TMEM114: variants seen among roughly 807,000 people sequenced by gnomAD.
TMEM114 encodes claudin-26.
In TMEM114, 6 loss-of-function variants were observed where a neutral mutation model predicts 6.2. The observed-to-expected ratio is 0.97, with a 90% CI of 0.53 to 1.91. The LOEUF (loss-of-function observed/expected upper bound fraction) is 1.91, where lower values mean the gene tolerates loss of function less well. Among genes scored for constraint, TMEM114 ranks in the 40% most tolerant of loss-of-function variants. The pLI is 0.01. For missense variants in TMEM114, 218 were observed against 158.3 expected (o/e 1.38, Z -2.02); for synonymous variants, 104 against 73.0 (o/e 1.42, Z -2.16).
the TMEM114 span, among the ~76,000 whole-genome samples, chr16:8,532,599 A>G: frequency 6.6e-6 from 1 of 152,210 alleles, no homozygotes; most frequent in Admixed American, 6.5e-5. Flanking sequence ...CAGATGCTCA[A>G]CCTACAACCT....
At chr16:8,552,093 G>T (rs534512760) in intron 2 of TMEM114, among the ~76,000 whole-genome samples, 1 of 151,902 alleles carries the variant, frequency 6.6e-6, no homozygotes, top group Non-Finnish European at 1.5e-5. Context: ...CTATAAGGGG[G>T]ACCAGGCACA....
chr16:8,579,655 ACT>A (rs1902068120), intron 2 of TMEM114, among the ~76,000 whole-genome samples: 3 of 151,864 alleles, frequency 2.0e-5, no homozygotes, highest in South Asian at 2.1e-4. Flanking sequence ...TGTCAATTGG[ACT>A]CTGACCTTGC....
chr16:8,569,256 G>A (rs1901638624), downstream of TMEM114, among the ~76,000 whole-genome samples: 1 of 152,136 alleles, frequency 6.6e-6, no homozygotes, highest in African/African-American at 2.4e-5. Context: ...TGGGAGTCTC[G>A]CAGCTTCATA....
chr16:8,575,028 T>C (rs751049793), intron 2 of TMEM114, among the ~76,000 whole-genome samples: 2 of 152,204 alleles, frequency 1.3e-5, no homozygotes, highest in Non-Finnish European at 2.9e-5. Context: ...CTGAATGCAC[T>C]TGGGGAAGAT....
At chr16:8,582,386 A>G (rs951313460) in intron 2 of TMEM114, among the ~76,000 whole-genome samples, 1 of 152,154 alleles carries the variant, frequency 6.6e-6, no homozygotes, top group East Asian at 1.9e-4. Context: ...TACCAAGCTC[A>G]GTCCTGCCTC....
intron 2 of TMEM114, among the ~76,000 whole-genome samples, chr16:8,554,761 T>G (rs1900953098): frequency 6.6e-6 from 1 of 152,228 alleles, no homozygotes; most frequent in African/African-American, 2.4e-5. Flanking sequence ...TGAGAAGTCC[T>G]GTTCTACGTA....
At position 8,575,311 on chromosome 16, in the gene TMEM114, G is replaced by A. The variant is rs376048135; in HGVS notation, c.302-3087C>T. Among the ~76,000 whole-genome samples, 7 of 152,274 alleles carry A rather than the reference G, an allele frequency of 4.6e-5. No individual in the cohort carries two copies. In the East Asian group the frequency reaches 9.6e-4, roughly 21 times the overall value. On this transcript the variant is annotated intron_variant, in intron 2 of 3. Transcript: ENST00000620492. Reference sequence around the variant, plus strand: ...AACATATTAAGAGTGTCTGCTGTGAGTCTAGCTCCACACTGAGCACTGGTA... The same window carrying A: ...AACATATTAAGAGTGTCTGCTGTGAATCTAGCTCCACACTGAGCACTGGTA...
At chr16:8,577,284 T>C (rs1302737531) in intron 2 of TMEM114, among the ~76,000 whole-genome samples, 3 of 152,216 alleles carry the variant, frequency 2.0e-5, no homozygotes, top group African/African-American at 7.2e-5. Flanking sequence ...TGTCTGCCTT[T>C]AACAGCTAGA....
At chr16:8,574,183 G>C (rs561536242) in intron 2 of TMEM114, among the ~76,000 whole-genome samples, 171 of 152,224 alleles carry the variant, frequency 1.1e-3, no homozygotes, top group African/African-American at 3.9e-3. Flanking sequence ...GGGGTCCTGG[G>C]CATGTCATTT....
chr16:8,580,303 A>G (rs1027561286), intron 2 of TMEM114, among the ~76,000 whole-genome samples: 3 of 152,134 alleles, frequency 2.0e-5, no homozygotes, highest in Non-Finnish European at 2.9e-5. Context: ...CGTGGCCAAC[A>G]TGGCGAAAAC....
intron 2 of TMEM114, among the ~76,000 whole-genome samples, chr16:8,553,410 T>C (rs974182201): frequency 6.6e-6 from 1 of 152,208 alleles, no homozygotes; most frequent in East Asian, 1.9e-4. Context: ...GAATCTTTTT[T>C]TGGGGGGACT....
intron 2 of TMEM114, among the ~76,000 whole-genome samples, chr16:8,557,566 C>T (rs766454031): frequency 2.0e-5 from 3 of 152,182 alleles, no homozygotes; most frequent in East Asian, 3.8e-4. Flanking sequence ...TAGTTTTGGC[C>T]ACTACATCTT....
At chr16:8,531,624 G>A in the TMEM114 span, among the ~76,000 whole-genome samples, 12 of 152,198 alleles carry the variant, frequency 7.9e-5, no homozygotes, top group African/African-American at 1.4e-4. Flanking sequence ...CAAAGTTCCT[G>A]CTGAAAGAGA....
downstream of TMEM114, among the ~76,000 whole-genome samples, chr16:8,536,761 T>A (rs1900372821): frequency 6.6e-6 from 1 of 152,142 alleles, no homozygotes; most frequent in African/African-American, 2.4e-5. Context: ...GGACTCCCAG[T>A]TGAGGCACTG....
chr16:8,550,056 G>T (rs1202241608), intron 2 of TMEM114, among the ~76,000 whole-genome samples: 2 of 152,192 alleles, frequency 1.3e-5, no homozygotes, highest in South Asian at 2.1e-4. Flanking sequence ...AAAAGCCAAA[G>T]AACTTGGAAT....
At chr16:8,552,921 A>C (rs1900891441) in intron 2 of TMEM114, among the ~76,000 whole-genome samples, 1 of 152,014 alleles carries the variant, frequency 6.6e-6, no homozygotes, top group Non-Finnish European at 1.5e-5. Flanking sequence ...CACTCACTTT[A>C]GGTCTCTTAC....
At chr16:8,555,058 C>T (rs1900964304) in intron 2 of TMEM114, among the ~76,000 whole-genome samples, 1 of 152,236 alleles carries the variant, frequency 6.6e-6, no homozygotes, top group Non-Finnish European at 1.5e-5. Context: ...TCCCTCCCCT[C>T]TCCTCCCAGG....
chr16:8,570,958 G>T (rs1175313530), intron 3 of TMEM114, among the ~76,000 whole-genome samples: 2 of 152,204 alleles, frequency 1.3e-5, no homozygotes, highest in Non-Finnish European at 2.9e-5. Flanking sequence ...ACCAGGCAGT[G>T]CTGGTTTCGA....
At chr16:8,581,042 G>A (rs1902131895) in intron 2 of TMEM114, among the ~76,000 whole-genome samples, 1 of 152,074 alleles carries the variant, frequency 6.6e-6, no homozygotes, top group Non-Finnish European at 1.5e-5. Context: ...ACCATCCACA[G>A]CACCCCACAA....
Sources: allele counts gnomAD v4.1 joint callset (sites outside exome capture counted in the v4.1 genomes callset), GRCh38; gene constraint gnomAD v4.1.1; transcripts MANE v1.5; gene names NCBI Gene and HGNC (gene_info 2026-07-23, HGNC 2026-07-21).